DIAPH2: variants seen among roughly 807,000 people sequenced by gnomAD.
The protein encoded by DIAPH2 is protein diaphanous homolog 2.
In DIAPH2, 35 loss-of-function variants were observed where a neutral mutation model predicts 92.7. The ratio of observed to expected loss-of-function variants is 0.38; its 90% CI spans 0.29 to 0.50. DIAPH2 has a LOEUF of 0.50. Among genes scored for constraint, DIAPH2 ranks in the 20% least tolerant of loss-of-function variants. The pLI is 0.94. For synonymous variants in DIAPH2, 301 were observed against 280.4 expected, an observed-to-expected ratio of 1.07 and a Z score of -0.73; for missense variants, 701 against 819.5, an observed-to-expected ratio of 0.86 and a Z score of 1.77.
At chrX:97,552,205 A>G (rs193238026) in intron 26 of DIAPH2, among the ~76,000 whole-genome samples, 316 of 111,186 alleles carry the variant, frequency 2.8e-3, no homozygotes, top group African/African-American at 8.2e-3. Context: ...AGTTCCCTTC[A>G]TTTCTTGATG....
chrX:97,555,207 C>T (rs1012729497), intron 26 of DIAPH2, among the ~76,000 whole-genome samples: 1 of 111,787 alleles, frequency 8.9e-6, no homozygotes, highest in African/African-American at 3.3e-5. Context: ...TCATCTGTGT[C>T]TGTTTTGACT....
intron 25 of DIAPH2, among the ~76,000 whole-genome samples, chrX:97,414,468 G>C (rs766943347): frequency 3.6e-5 from 4 of 110,216 alleles, no homozygotes; most frequent in African/African-American, 6.6e-5. Flanking sequence ...GGCTAACATG[G>C]TGAAACCCTG....
rs374592178 is a variant in DIAPH2, at chrX:97,114,704, T to C, written c.2350-22T>C. ...AAGAGGCATTAAATGTATATTCTCA[T>C]AGGGTATTTCTTATCTTACAGATGA... On this transcript the variant is annotated intron_variant, in intron 20 of 26. Transcript: ENST00000324765. 1.2e-5 allele frequency: 14 copies of C among 1,180,159 alleles called. No individual in the cohort carries two copies. In the African/African-American group the frequency reaches 2.3e-4, roughly 19 times the overall value.
intron 17 of DIAPH2, among the ~76,000 whole-genome samples, chrX:97,043,925 A>C (rs941800086): frequency 8.9e-6 from 1 of 112,226 alleles, no homozygotes; most frequent in African/African-American, 3.2e-5. Context: ...GCCACAGAAC[A>C]ACAGAAATAA....
intron 22 of DIAPH2, among the ~76,000 whole-genome samples, chrX:97,150,360 A>G (rs923487042): frequency 8.9e-6 from 1 of 111,927 alleles, no homozygotes; most frequent in African/African-American, 3.2e-5. Flanking sequence ...GGAAGCAGAG[A>G]TCATGGCCGT....
At position 96,894,122 on chromosome X, in the gene DIAPH2, A is replaced by AATAT. The variant is rs199550194; in HGVS notation, c.587+12405_587+12406insTATA. Among the ~76,000 whole-genome samples, 749 of 112,008 alleles carry AATAT rather than the reference A, an allele frequency of 6.7e-3. 8 individuals carry two copies. The highest frequency in any genetic ancestry group is 0.023 in the African/African-American group (725 of 30,861). On this transcript the variant is annotated intron_variant, in intron 5 of 26. Coordinates refer to ENST00000324765, the MANE Select transcript of DIAPH2 (RefSeq NM_006729.5). ...GACCTCTTATATGAATATGAATTTC[A>AATAT]AGCCTTTCATATACCCGAAATCAAC...
chrX:97,280,310 T>G (rs1432338676), intron 23 of DIAPH2, among the ~76,000 whole-genome samples: 1 of 106,244 alleles, frequency 9.4e-6, no homozygotes, highest in African/African-American at 3.7e-5. Context: ...TCGTCTCTAC[T>G]AAAAATACAA....
intron 4 of DIAPH2, among the ~76,000 whole-genome samples, chrX:96,877,946 T>C (rs991130346): frequency 2.4e-4 from 27 of 112,252 alleles, no homozygotes; most frequent in African/African-American, 8.4e-4. Context: ...TTGCTAACTT[T>C]GTCTGCATTA....
chrX:97,595,808 T>C (rs1422612797), intron 26 of DIAPH2, among the ~76,000 whole-genome samples: 1 of 110,687 alleles, frequency 9.0e-6, no homozygotes, highest in Non-Finnish European at 1.9e-5. Context: ...AATTTTGTAT[T>C]TTTAGTAGAG....
At chrX:97,188,564 A>T (rs2067626151) in intron 22 of DIAPH2, among the ~76,000 whole-genome samples, 1 of 112,168 alleles carries the variant, frequency 8.9e-6, no homozygotes, top group African/African-American at 3.2e-5. Context: ...AATTACTAGA[A>T]GTTTGTTATA....
At position 97,139,664 on chromosome X, in the gene DIAPH2, CTTTA is replaced by C. The variant is rs1331026466; in HGVS notation, c.2590-1995_2590-1992del. Reference sequence around the variant, plus strand: ...ACTAATACATTTAACTGATGTTGTGCTTTATTTATCTTTTTAAAATGTAACCATT... The same window carrying C: ...ACTAATACATTTAACTGATGTTGTGCTTTATCTTTTTAAAATGTAACCATT... On this transcript the variant is annotated intron_variant, in intron 21 of 26. Coordinates refer to ENST00000324765, the MANE Select transcript of DIAPH2 (RefSeq NM_006729.5). Among the ~76,000 whole-genome samples the C allele has an allele frequency of 1.4e-4, 16 of 110,881 alleles. No individual in the cohort carries two copies. In the Admixed American group the frequency reaches 1.5e-3, roughly 10 times the overall value.
At chrX:97,036,511 A>C (rs1177118358) in intron 17 of DIAPH2, among the ~76,000 whole-genome samples, 5 of 112,342 alleles carry the variant, frequency 4.5e-5, no homozygotes, top group Non-Finnish European at 9.4e-5. Flanking sequence ...TAGGCTGTGT[A>C]TGGTGTTTAT....
chrX:96,884,635 G>A, intron 5 of DIAPH2: 2 of 1,210,435 alleles, frequency 1.7e-6, no homozygotes, highest in Non-Finnish European at 2.2e-6. Flanking sequence ...ACAGTGGTTT[G>A]GTAGAGAGAA....
At chrX:97,054,797 A>T (rs2066544870) in intron 17 of DIAPH2, among the ~76,000 whole-genome samples, 1 of 111,175 alleles carries the variant, frequency 9.0e-6, no homozygotes, top group Non-Finnish European at 1.9e-5. Flanking sequence ...AAGGATAAGT[A>T]ATAATATCTT....
chrX:97,418,132 AGACCATAGTT>A (rs944006123), intron 25 of DIAPH2, among the ~76,000 whole-genome samples: 3 of 112,319 alleles, frequency 2.7e-5, no homozygotes, highest in African/African-American at 9.7e-5. Context: ...GAATCTTTTC[AGACCATAGTT>A]GACTGTGGAT....
chrX:96,839,401 A>G lies in DIAPH2; in HGVS notation c.448-42178A>G, dbSNP rs5990659. Among the ~76,000 whole-genome samples, 459 of 111,337 alleles carry G rather than the reference A, an allele frequency of 4.1e-3. 7 individuals are homozygous for G. Among genetic ancestry groups the G allele is most frequent in the African/African-American group, 0.014 (441 of 30,696 alleles). On this transcript the variant is annotated intron_variant, in intron 4 of 26. Transcript: ENST00000324765. ...TTAATGGTCTTGCCTCCTATGACTA[A>G]AATGTCCTGCCAGTATTCTGGAAAT...
In DIAPH2 at chrX:97,409,866, G is replaced by A. The variant is rs180703404; in HGVS notation, c.3146-19784G>A. Among the ~76,000 whole-genome samples, 5 of 112,755 alleles carry A rather than the reference G, an allele frequency of 4.4e-5. No individual in the cohort carries two copies. The East Asian group carries it at 1.1e-3, about 26-fold the overall frequency. ...GCTTGAGTAGATAAACAAAGTGGCT[G>A]GGGAAGCTCGAACTGGGCGGAGCCC... On this transcript the variant is annotated intron_variant, in intron 25 of 26. Coordinates refer to ENST00000324765, the MANE Select transcript of DIAPH2 (RefSeq NM_006729.5).
intron 26 of DIAPH2, among the ~76,000 whole-genome samples, chrX:97,460,906 C>G: frequency 8.9e-6 from 1 of 112,323 alleles, no homozygotes; most frequent in East Asian, 2.8e-4. Context: ...TTTAGTATAT[C>G]AACTAGCTTG....
chrX:97,571,521 G>A (rs958660233), intron 26 of DIAPH2, among the ~76,000 whole-genome samples: 43 of 111,850 alleles, frequency 3.8e-4, no homozygotes, highest in African/African-American at 1.4e-3. Context: ...CAGTCTGTCA[G>A]ATGTAGCCTA....
Sources: allele counts gnomAD v4.1 joint callset (sites outside exome capture counted in the v4.1 genomes callset), GRCh38; gene constraint gnomAD v4.1.1; transcripts MANE v1.5; gene names NCBI Gene and HGNC (gene_info 2026-07-23, HGNC 2026-07-21).